The following LHFPL3 variants were observed in gnomAD, a reference collection of about 807,000 sequenced individuals.
The protein encoded by LHFPL3 is LHFPL tetraspan subfamily member 3 protein.
A neutral mutation model predicts 19.3 loss-of-function variants in LHFPL3; 5 were observed. The ratio of observed to expected loss-of-function variants is 0.26; its 90% CI spans 0.14 to 0.54. The LOEUF (loss-of-function observed/expected upper bound fraction) is 0.54, where lower values mean the gene tolerates loss of function less well. Ranked by LOEUF, LHFPL3 falls within the 20% of genes least tolerant of loss-of-function variation. The pLI, the probability that LHFPL3 is intolerant of heterozygous loss-of-function variation, is 0.94. For synonymous variants in LHFPL3, 133 were observed against 126.2 expected (o/e 1.05, Z -0.36); for missense variants, 249 against 307.4 (o/e 0.81, Z 1.42).
At chr7:104,865,515 A>G (rs572821679) in intron 2 of LHFPL3, among the ~76,000 whole-genome samples, 2 of 152,342 alleles carry the variant, frequency 1.3e-5, no homozygotes, top group Non-Finnish European at 1.5e-5. Context: ...CAAGAAGACA[A>G]GTTTAGAGAA....
At chr7:104,879,407 C>A (rs897361435) in intron 2 of LHFPL3, among the ~76,000 whole-genome samples, 1 of 151,752 alleles carries the variant, frequency 6.6e-6, no homozygotes, top group Non-Finnish European at 1.5e-5. Context: ...CAGAGTGAGA[C>A]CCTGTCTCAA....
intron 1 of LHFPL3, among the ~76,000 whole-genome samples, chr7:104,706,253 A>T (rs79647213): frequency 7.2e-5 from 11 of 152,136 alleles, no homozygotes; most frequent in African/African-American, 2.4e-4. Flanking sequence ...CAGCACAAAA[A>T]TTCCAGGGCA....
Position 104,557,810 on chromosome 7 carries a change from C to A in LHFPL3, c.446-178865C>A, listed in dbSNP as rs1195867349. ...ATCATCTAGCATTAGGTATATCTCC[C>A]AATGCTATCCCTCCCCACTCCCCCC... On this transcript the variant is annotated intron_variant, in intron 1 of 2. Transcript: ENST00000424859. Among the ~76,000 whole-genome samples the A allele has an allele frequency of 5.3e-5, 8 of 150,438 alleles. No homozygotes were observed. In the East Asian group the frequency reaches 1.6e-3, roughly 29 times the overall value.
At chr7:104,744,776 T>C (rs1050627721) in intron 2 of LHFPL3, among the ~76,000 whole-genome samples, 1 of 152,096 alleles carries the variant, frequency 6.6e-6, no homozygotes, top group Admixed American at 6.5e-5. Context: ...TGAAACCCTC[T>C]CTTCAGTTGG....
intron 1 of LHFPL3, among the ~76,000 whole-genome samples, chr7:104,588,923 T>A (rs1001895259): frequency 1.4e-5 from 2 of 144,854 alleles, no homozygotes; most frequent in African/African-American, 5.1e-5. Context: ...CTGTCTGTTA[T>A]TGGTGTGTAG....
intron 2 of LHFPL3, among the ~76,000 whole-genome samples, chr7:104,841,797 T>C (rs1039412257): frequency 3.3e-5 from 5 of 152,038 alleles, no homozygotes; most frequent in Admixed American, 1.3e-4. Flanking sequence ...AAAAAGAGAG[T>C]AGGGCATGTT....
intron 1 of LHFPL3, among the ~76,000 whole-genome samples, chr7:104,485,969 T>C (rs1793227541): frequency 1.3e-5 from 2 of 152,250 alleles, no homozygotes; most frequent in Admixed American, 6.5e-5. Context: ...GTTTCTTTAG[T>C]CAGGTAAACG....
chr7:104,860,178 CCACACACACACACACA>C (rs10534227), intron 2 of LHFPL3, among the ~76,000 whole-genome samples: 1 of 128,874 alleles, frequency 7.8e-6, no homozygotes, highest in African/African-American at 2.8e-5. Flanking sequence ...ATACACCCAC[CCACACACACACACACA>C]CACACACACA....
intron 1 of LHFPL3, among the ~76,000 whole-genome samples, chr7:104,484,284 C>G (rs1793195787): frequency 1.3e-5 from 2 of 152,208 alleles, no homozygotes; most frequent in South Asian, 2.1e-4. Context: ...TAGTGACATA[C>G]TCAACCCATC....
At position 104,600,970 on chromosome 7, in the gene LHFPL3, G is replaced by A. The variant is rs144016211; in HGVS notation, c.446-135705G>A. 7.9e-4 allele frequency among the ~76,000 whole-genome samples: 121 copies of A among 152,302 alleles called. 1 individual carries two copies. The East Asian group carries it at 0.02, about 26-fold the overall frequency. Reference sequence around the variant, plus strand: ...CAGTCTGTGAGCTGGGCACCATTATGCAGATTTGACAGAAGAATAAGCCAA... The same window carrying A: ...CAGTCTGTGAGCTGGGCACCATTATACAGATTTGACAGAAGAATAAGCCAA... On this transcript the variant is annotated intron_variant, in intron 1 of 2. Coordinates refer to ENST00000424859, the MANE Select transcript of LHFPL3 (RefSeq NM_199000.3).
At chr7:104,544,716 T>G (rs1422294044) in intron 1 of LHFPL3, among the ~76,000 whole-genome samples, 6 of 152,214 alleles carry the variant, frequency 3.9e-5, no homozygotes, top group Non-Finnish European at 7.3e-5. Flanking sequence ...AAGATGATTT[T>G]TTTAAGAAAA....
intron 2 of LHFPL3, among the ~76,000 whole-genome samples, chr7:104,887,197 G>T (rs918987273): frequency 6.6e-6 from 1 of 152,208 alleles, no homozygotes; most frequent in African/African-American, 2.4e-5. Flanking sequence ...AAGGCTAAAT[G>T]ATTCCCTTGT....
chr7:104,654,765 A>AT lies in LHFPL3; in HGVS notation c.446-81903dup, dbSNP rs906785245. 1.2e-4 allele frequency among the ~76,000 whole-genome samples: 18 copies of AT among 152,034 alleles called. 1 individual carries two copies. The highest frequency in any genetic ancestry group is 4.1e-4 in the African/African-American group (17 of 41,476). ...TGAAAATGAAGAGCTGAGCAGTATG[A>AT]TTTTTTTCTGTCTTTTTCAATTATA... On this transcript the variant is annotated intron_variant, in intron 1 of 2. Coordinates refer to ENST00000424859, the MANE Select transcript of LHFPL3 (RefSeq NM_199000.3).
chr7:104,779,629 T>C (rs1325133228), intron 2 of LHFPL3, among the ~76,000 whole-genome samples: 1 of 152,198 alleles, frequency 6.6e-6, no homozygotes, highest in East Asian at 1.9e-4. Context: ...ATGAGTGACC[T>C]CTGCACAAGG....
At chr7:104,876,458 G>A (rs1259434720) in intron 2 of LHFPL3, among the ~76,000 whole-genome samples, 1 of 151,874 alleles carries the variant, frequency 6.6e-6, no homozygotes, top group Non-Finnish European at 1.5e-5. Flanking sequence ...ATCAAAAAGT[G>A]GGCAAAGGAT....
At chr7:104,708,887 GA>G (rs1315073052) in intron 1 of LHFPL3, among the ~76,000 whole-genome samples, 1 of 152,078 alleles carries the variant, frequency 6.6e-6, no homozygotes, top group Non-Finnish European at 1.5e-5. Context: ...TCCCTTGAGA[GA>G]AAAAATTAGA....
intron 1 of LHFPL3, among the ~76,000 whole-genome samples, chr7:104,624,601 G>C (rs1462077240): frequency 6.6e-6 from 1 of 152,178 alleles, no homozygotes; most frequent in Admixed American, 6.5e-5. Context: ...CTGCTTCTTA[G>C]ATATAGCTCA....
chr7:104,895,284 A>C (rs371294491), intron 2 of LHFPL3: 1 of 152,224 alleles, frequency 6.6e-6, no homozygotes, highest in African/African-American at 2.4e-5. Context: ...AATCTTCACC[A>C]TATCATCGCC....
chr7:104,509,857 A>G (rs1009328509), intron 1 of LHFPL3, among the ~76,000 whole-genome samples: 1 of 152,150 alleles, frequency 6.6e-6, no homozygotes, highest in Admixed American at 6.5e-5. Context: ...GGAATCTACA[A>G]AAATACTCCT....
Sources: gnomAD v4.1 joint callset for allele counts (sites outside exome capture counted in the v4.1 genomes callset) on GRCh38, gnomAD v4.1.1 for gene constraint, MANE v1.5 for transcripts, NCBI Gene and HGNC (gene_info 2026-07-23, HGNC 2026-07-21) for gene names.